The following OLFML2B variants were observed in gnomAD, a reference collection of about 807,000 sequenced individuals.
OLFML2B encodes olfactomedin-like protein 2B.
OLFML2B carries 57 observed loss-of-function variants against 74.9 expected under a neutral mutation model. That is an observed-to-expected ratio of 0.76 (90% CI 0.61 to 0.95). The LOEUF is 0.95. Among genes scored for constraint, OLFML2B ranks in the 40% least tolerant of loss-of-function variants. OLFML2B has a pLI of 0.00. For synonymous variants in OLFML2B, 388 were observed against 405.8 expected (o/e 0.96, Z 0.53); for missense variants, 986 against 970.6 (o/e 1.02, Z -0.21).
At chr1:162,011,868 A>C (rs1264153167) in intron 3 of OLFML2B, among the ~76,000 whole-genome samples, 1 of 152,206 alleles carries the variant, frequency 6.6e-6, no homozygotes, top group Non-Finnish European at 1.5e-5. Context: ...TGGCAGCTCT[A>C]AACTGTTCCT....
chr1:162,019,700 A>C (rs1690642122), intron 2 of OLFML2B, among the ~76,000 whole-genome samples: 1 of 137,626 alleles, frequency 7.3e-6, no homozygotes, highest in Non-Finnish European at 1.5e-5. Flanking sequence ...CTGGCTCCAT[A>C]AGGAGGGGTA....
intron 1 of OLFML2B, among the ~76,000 whole-genome samples, chr1:162,021,272 C>T (rs927678706): frequency 3.9e-5 from 6 of 152,266 alleles, no homozygotes; most frequent in African/African-American, 1.4e-4. Flanking sequence ...CCAGGCCAAA[C>T]CCAGGAAAGC....
At chr1:161,999,798 T>G (rs1690031034) in intron 5 of OLFML2B, among the ~76,000 whole-genome samples, 1 of 152,154 alleles carries the variant, frequency 6.6e-6, no homozygotes, top group Non-Finnish European at 1.5e-5. Context: ...TCTAAGCAAG[T>G]CAGTCTCCCC....
intron 2 of OLFML2B, 71 bp downstream of exon 2, chr1:162,019,848 A>T: frequency 6.4e-7 from 1 of 1,558,626 alleles, no homozygotes; most frequent in Non-Finnish European, 8.7e-7. Flanking sequence ...ATCTTCAACC[A>T]TGGCCTTACC....
intron 5 of OLFML2B, among the ~76,000 whole-genome samples, chr1:161,998,717 C>G (rs1202106521): frequency 6.6e-6 from 1 of 152,202 alleles, no homozygotes; most frequent in Non-Finnish European, 1.5e-5. Flanking sequence ...AACAAGGATC[C>G]TTGACCTCAC....
At chr1:161,987,371 T>C (rs1185849011) in intron 6 of OLFML2B, among the ~76,000 whole-genome samples, 1 of 152,178 alleles carries the variant, frequency 6.6e-6, no homozygotes, top group Admixed American at 6.5e-5. Context: ...GGGGAGACTA[T>C]ACTGGACTAT....
At chr1:162,000,039 C>A in intron 5 of OLFML2B, 74 bp downstream of exon 5, 1 of 1,173,392 alleles carries the variant, frequency 8.5e-7, no homozygotes, top group South Asian at 1.4e-5. Context: ...TCCCAGGAAT[C>A]CAGCCCACTA....
At position 161,984,037 on chromosome 1, in the gene OLFML2B, G is replaced by T; in HGVS notation, c.1891C>A (p.Leu631Ile). The T allele has an allele frequency of 6.2e-7, 1 of 1,614,200 alleles. No homozygotes were observed. The highest frequency in any genetic ancestry group is 8.5e-7 in the Non-Finnish European group (1 of 1,180,036). The change falls in exon 8 of 8, where the codon CTC (leucine) becomes ATC (isoleucine). Residue 631 changes from leucine to isoleucine, a missense_variant. Coordinates refer to ENST00000294794, the MANE Select transcript of OLFML2B (RefSeq NM_015441.3). Reference protein sequence around the residue: ...DFAVDENGLWLIYPALDDEGF... With the variant: ...DFAVDENGLWIIYPALDDEGF... ...TCATCGTCCAGGGCCGGGTAGATGA[G>T]CCATAGGCCATTCTCGTCCACAGCA...
At position 161,990,514 on chromosome 1, in the gene OLFML2B, A is replaced by C. The variant is rs142518654; in HGVS notation, c.1475-5534T>G. On this transcript the variant is annotated intron_variant, in intron 6 of 7. Coordinates refer to ENST00000294794, the MANE Select transcript of OLFML2B (RefSeq NM_015441.3). The stretch of plus-strand genomic sequence containing the variant: ...AAGGGTTCAATAACATTATGTCTAA[A>C]AAATGTATACACCTTAATTTAAAAA... 1.9e-3 allele frequency among the ~76,000 whole-genome samples: 285 copies of C among 152,336 alleles called. 2 individuals are homozygous for C. Among genetic ancestry groups the C allele is most frequent in the African/African-American group, 6.6e-3 (274 of 41,554 alleles).
rs763825718 is a variant in OLFML2B, at chr1:162,023,420, G to A, written c.11C>T (p.Pro4Leu). The change falls in exon 1 of 8, where the codon CCT becomes CTT. Residue 4 changes from proline (P) to leucine (L), a missense_variant. Transcript: ENST00000294794. MAK[P>L]RLLVLYFALI... is the part of the protein sequence containing the mutation. ...AGCGAAGTAGAGAACTAGCAGCCGA[G>A]GCTTGGCCATGAGGGGCGCGATAAG... 6.4e-7 allele frequency: 1 copy of A among 1,568,488 alleles called. No individual in the cohort carries two copies. Among genetic ancestry groups the A allele is most frequent in the Non-Finnish European group, 8.7e-7 (1 of 1,153,422 alleles).
intron 1 of OLFML2B, among the ~76,000 whole-genome samples, chr1:162,021,850 T>G (rs1025877043): frequency 3.9e-5 from 6 of 152,126 alleles, no homozygotes; most frequent in Non-Finnish European, 8.8e-5. Flanking sequence ...TTGTTGATAG[T>G]GTTCCAGAGC....
chr1:161,998,750 G>T (rs1690001148), intron 5 of OLFML2B, among the ~76,000 whole-genome samples: 1 of 152,236 alleles, frequency 6.6e-6, no homozygotes, highest in African/African-American at 2.4e-5. Context: ...TAGTGGTGGA[G>T]ACGCTTGATA....
chr1:161,999,545 G>A (rs1690023158), intron 5 of OLFML2B, among the ~76,000 whole-genome samples: 2 of 152,156 alleles, frequency 1.3e-5, no homozygotes, highest in African/African-American at 4.8e-5. Context: ...GAAGAGTCGG[G>A]GCCTGCTGGG....
intron 1 of OLFML2B, among the ~76,000 whole-genome samples, chr1:162,021,099 G>A (rs762914907): frequency 6.6e-5 from 10 of 152,228 alleles, no homozygotes; most frequent in African/African-American, 1.9e-4. Context: ...AGCTAAGAGC[G>A]GCTCCAACTG....
At chr1:162,001,859 C>T (rs1291736968) in intron 4 of OLFML2B, among the ~76,000 whole-genome samples, 2 of 152,214 alleles carry the variant, frequency 1.3e-5, no homozygotes, top group Non-Finnish European at 2.9e-5. Flanking sequence ...GAATCATCTA[C>T]ATTGGTAACT....
At chr1:162,012,255 A>G (rs986317654) in intron 3 of OLFML2B, among the ~76,000 whole-genome samples, 3 of 152,144 alleles carry the variant, frequency 2.0e-5, no homozygotes, top group Non-Finnish European at 2.9e-5. Flanking sequence ...GGGTGGAAGG[A>G]AAGGTAGGGC....
intron 6 of OLFML2B, among the ~76,000 whole-genome samples, chr1:161,992,332 C>T (rs969955034): frequency 2.0e-5 from 3 of 152,216 alleles, no homozygotes; most frequent in Admixed American, 6.5e-5. Flanking sequence ...AAGGGAATGT[C>T]GTGGTTGGAC....
chr1:162,006,638 C>CG (rs1690243333), intron 3 of OLFML2B, among the ~76,000 whole-genome samples, 165 bp from the exon 4 acceptor site: 1 of 152,004 alleles, frequency 6.6e-6, no homozygotes, highest in Non-Finnish European at 1.5e-5. Context: ...GGCTGAGCAC[C>CG]GGTACCAGGT....
chr1:162,019,990 A>T lies in OLFML2B; in HGVS notation c.367T>A (p.Ser123Thr). The change falls in exon 2 of 8, where the codon TCG becomes ACG. Residue 123 changes from serine (S) to threonine (T), a missense_variant. Ser to Thr is a moderately conservative substitution (Grantham distance 58, BLOSUM62 1). Transcript: ENST00000294794. ...SCKCACVAPPSALNPCEGDFR... is the reference protein window; with the variant it reads ...SCKCACVAPPTALNPCEGDFR... The stretch of plus-strand genomic sequence containing the variant: ...TCTCCCTCGCAGGGATTGAGGGCCG[A>T]TGGGGGTGCTACACAGGCACACTTG... The T allele has an allele frequency of 6.2e-7, 1 of 1,614,132 alleles. No individual in the cohort carries two copies. The highest frequency in any genetic ancestry group is 8.5e-7 in the Non-Finnish European group (1 of 1,180,002).
Sources: gnomAD v4.1 joint callset for allele counts (sites outside exome capture counted in the v4.1 genomes callset) on GRCh38, gnomAD v4.1.1 for gene constraint, MANE v1.5 for transcripts, NCBI Gene and HGNC (gene_info 2026-07-23, HGNC 2026-07-21) for gene names.